The following CARMIL1 variants were observed in gnomAD, a reference collection of about 807,000 sequenced individuals.
CARMIL1 encodes F-actin-uncapping protein LRRC16A.
CARMIL1 carries 90 observed loss-of-function variants against 177.1 expected under a neutral mutation model. The observed-to-expected ratio is 0.51, with a 90% confidence interval of 0.43 to 0.61. The LOEUF is 0.61. Among genes scored for constraint, CARMIL1 ranks in the 20% least tolerant of loss-of-function variants. The probability of loss-of-function intolerance (pLI) is 0.00; values close to 1 mark genes in which losing one functional copy is unlikely to be tolerated. For synonymous variants in CARMIL1, 577 were observed against 606.2 expected, an observed-to-expected ratio of 0.95 and a Z score of 0.71; for missense variants, 1,380 against 1,667.0, an observed-to-expected ratio of 0.83 and a Z score of 3.00.
At chr6:25,521,423 G>GA (rs1806540835) in intron 23 of CARMIL1, among the ~76,000 whole-genome samples, 1 of 152,202 alleles carries the variant, frequency 6.6e-6, no homozygotes, top group East Asian at 1.9e-4. Context: ...GACAGTTTGT[G>GA]AGCAGCCTCT....
intron 36 of CARMIL1, among the ~76,000 whole-genome samples, chr6:25,617,254 A>T (rs1259116714): frequency 6.6e-6 from 1 of 152,148 alleles, no homozygotes; most frequent in Non-Finnish European, 1.5e-5. Context: ...AATTTTAATC[A>T]TGCCTGTTGT....
intron 1 of CARMIL1, among the ~76,000 whole-genome samples, chr6:25,283,507 A>G (rs1781298577): frequency 6.6e-6 from 1 of 152,070 alleles, no homozygotes; most frequent in African/African-American, 2.4e-5. Context: ...AGTAGGAGAT[A>G]ATGAGTTTGA....
chr6:25,408,379 T>C (rs1308247519), intron 2 of CARMIL1, among the ~76,000 whole-genome samples: 1 of 150,280 alleles, frequency 6.7e-6, no homozygotes, highest in Non-Finnish European at 1.5e-5. Flanking sequence ...TCTCAAGCAG[T>C]AACTAACATG....
At chr6:25,546,662 A>G (rs955637064) in intron 26 of CARMIL1, among the ~76,000 whole-genome samples, 5 of 84,568 alleles carry the variant, frequency 5.9e-5, no homozygotes, top group African/African-American at 2.6e-4. Flanking sequence ...CTCAACAACA[A>G]CAACAACAAA....
intron 9 of CARMIL1, among the ~76,000 whole-genome samples, chr6:25,467,134 A>G (rs969693312): frequency 1.3e-5 from 2 of 151,160 alleles, no homozygotes; most frequent in Admixed American, 1.3e-4. Context: ...GAGAGTATGA[A>G]TTATGTGAAC....
Position 25,420,191 on chromosome 6 carries a change from T to C in CARMIL1, c.189+27T>C, listed in dbSNP as rs534340804. The C allele has an allele frequency of 1.4e-5, 22 of 1,609,402 alleles. No homozygotes were observed. In the East Asian group the frequency reaches 4.5e-4, roughly 33 times the overall value. On this transcript the variant is annotated intron_variant, in intron 3 of 36. Transcript: ENST00000329474. The stretch of plus-strand genomic sequence containing the variant: ...TAAGTGTTGATGAAGTCCTTCCTTC[T>C]GCACTCACACTCACTCATACCCACT...
chr6:25,452,062 G>T (rs1426734559), intron 8 of CARMIL1: 1 of 688,666 alleles, frequency 1.5e-6, no homozygotes, highest in African/African-American at 1.9e-5. Context: ...GAATTGCAGT[G>T]TGGTCCCTGA....
At chr6:25,486,746 A>ATTGATAAT (rs1802696938) in intron 12 of CARMIL1, among the ~76,000 whole-genome samples, 4 of 152,056 alleles carry the variant, frequency 2.6e-5, no homozygotes, top group Admixed American at 1.3e-4. Flanking sequence ...TTATTGCCTC[A>ATTGATAAT]CTGGGTAGTG....
intron 26 of CARMIL1, among the ~76,000 whole-genome samples, chr6:25,549,409 G>A (rs536268829): frequency 1.3e-5 from 2 of 152,326 alleles, no homozygotes; most frequent in South Asian, 2.1e-4. Flanking sequence ...GTTTATCTCA[G>A]TGTCAAAGAG....
intron 2 of CARMIL1, among the ~76,000 whole-genome samples, chr6:25,337,203 G>A (rs2690079): frequency 6.6e-6 from 1 of 151,984 alleles, no homozygotes; most frequent in Admixed American, 6.5e-5. Context: ...AGCTCTCCTT[G>A]TAAGTTAATA....
intron 2 of CARMIL1, among the ~76,000 whole-genome samples, chr6:25,322,119 G>A (rs7760067): frequency 0.28 from 41,858 of 151,364 alleles, 6,209 homozygotes; most frequent in East Asian, 0.41. Flanking sequence ...AAAGAAATCT[G>A]GTGTTTTTGT....
chr6:25,373,392 CTTT>C (rs36050000), intron 2 of CARMIL1, among the ~76,000 whole-genome samples: 7 of 122,878 alleles, frequency 5.7e-5, no homozygotes, highest in Admixed American at 7.9e-5. Flanking sequence ...TGGCCTTCGG[CTTT>C]TTTTTTTTTT....
intron 23 of CARMIL1, among the ~76,000 whole-genome samples, chr6:25,526,579 G>A (rs1342887485): frequency 6.7e-6 from 1 of 148,918 alleles, no homozygotes; most frequent in Non-Finnish European, 1.5e-5. Context: ...CTGAGACAAG[G>A]TCTCACTCTG....
intron 8 of CARMIL1, among the ~76,000 whole-genome samples, chr6:25,465,071 C>CAAAAAAAAAAAAAAAA (rs558022196): frequency 1.6e-5 from 1 of 61,986 alleles, no homozygotes; most frequent in Non-Finnish European, 3.4e-5. Flanking sequence ...AGAACTAAAG[C>CAAAAAAAAAAAAAAAA]AAAAAAAAAA....
intron 2 of CARMIL1, among the ~76,000 whole-genome samples, chr6:25,306,948 G>T (rs1184219270): frequency 1.4e-5 from 2 of 143,564 alleles, no homozygotes; most frequent in Non-Finnish European, 3.0e-5. Flanking sequence ...GCACGATCTC[G>T]GCTCACTGCA....
At chr6:25,505,374 A>G (rs904393790) in intron 17 of CARMIL1, among the ~76,000 whole-genome samples, 10 of 152,276 alleles carry the variant, frequency 6.6e-5, no homozygotes, top group African/African-American at 2.2e-4. Flanking sequence ...ACCATTTTCT[A>G]TGGCAGTAGT....
intron 2 of CARMIL1, among the ~76,000 whole-genome samples, chr6:25,406,375 G>C (rs189361592): frequency 8.1e-4 from 123 of 152,324 alleles, no homozygotes; most frequent in Non-Finnish European, 1.4e-3. Flanking sequence ...AGTGAGGCTG[G>C]AGGTGGAGGC....
At position 25,483,967 on chromosome 6, in the gene CARMIL1, T is replaced by A. The variant is rs999773000; in HGVS notation, c.961+1624T>A. Among the ~76,000 whole-genome samples the A allele has an allele frequency of 2.0e-5, 3 of 152,152 alleles. 1 individual carries two copies. Among genetic ancestry groups the A allele is most frequent in the Admixed American group, 6.5e-5 (1 of 15,278 alleles). On this transcript the variant is annotated intron_variant, in intron 12 of 36. Transcript: ENST00000329474. ...GTAGAGACAGAGTTTCCATGTTCCGTGGCCAGTCTCGAACTCCTGAGCTCA... is the reference window on the plus strand; with the variant it reads ...GTAGAGACAGAGTTTCCATGTTCCGAGGCCAGTCTCGAACTCCTGAGCTCA...
chr6:25,378,781 G>T (rs1322550830), intron 2 of CARMIL1, among the ~76,000 whole-genome samples: 1 of 59,606 alleles, frequency 1.7e-5, no homozygotes, highest in African/African-American at 1.1e-4. Context: ...TAAGTTTCTG[G>T]GTTTTTTCCT....
Sources: gnomAD v4.1 joint callset for allele counts (sites outside exome capture counted in the v4.1 genomes callset) on GRCh38, gnomAD v4.1.1 for gene constraint, MANE v1.5 for transcripts, NCBI Gene and HGNC (gene_info 2026-07-23, HGNC 2026-07-21) for gene names.